DLEU7: variants seen among roughly 807,000 people sequenced by gnomAD.
DLEU7 encodes the protein leukemia-associated protein 7.
In DLEU7, 17 loss-of-function variants were observed where a neutral mutation model predicts 16.0. The observed-to-expected ratio is 1.06, with a 90% confidence interval of 0.73 to 1.59. The LOEUF (loss-of-function observed/expected upper bound fraction) is 1.59. DLEU7 is among the 40% of genes most tolerant of loss of function. The pLI is 0.00. For synonymous variants in DLEU7, 113 were observed against 139.8 expected (o/e 0.81, Z 1.35); for missense variants, 308 against 314.9 (o/e 0.98, Z 0.17).
At chr13:50,811,627 C>A (rs1303940952) in intron 1 of DLEU7, among the ~76,000 whole-genome samples, 1 of 152,128 alleles carries the variant, frequency 6.6e-6, no homozygotes, top group Non-Finnish European at 1.5e-5. Flanking sequence ...TAGCCATTGC[C>A]AGCCTTCCAG....
chr13:50,830,040 T>C (rs1353174391), intron 1 of DLEU7, among the ~76,000 whole-genome samples: 1 of 151,876 alleles, frequency 6.6e-6, no homozygotes, highest in African/African-American at 2.4e-5. Context: ...ATTTAGCAAA[T>C]CCCAGATGCT....
chr13:50,822,302 C>A (rs758628304), downstream of DLEU7, among the ~76,000 whole-genome samples: 1 of 152,320 alleles, frequency 6.6e-6, no homozygotes, highest in Non-Finnish European at 1.5e-5. Context: ...TGTACTCCCA[C>A]CACGCAGACC....
At chr13:50,732,641 G>A (rs1873946998) in intron 1 of DLEU7, among the ~76,000 whole-genome samples, 1 of 140,982 alleles carries the variant, frequency 7.1e-6, no homozygotes, top group African/African-American at 2.7e-5. Context: ...ATGTGCTTAT[G>A]TTCAATGGTA....
At chr13:50,824,330 C>T (rs7326839) in intron 1 of DLEU7, among the ~76,000 whole-genome samples, 85,160 of 151,910 alleles carry the variant, frequency 0.56, 24,055 homozygotes, top group African/African-American at 0.62. Flanking sequence ...AAAGATAATG[C>T]TGAATATAAG....
At chr13:50,762,056 G>T (rs1874949335) in intron 1 of DLEU7, among the ~76,000 whole-genome samples, 1 of 151,842 alleles carries the variant, frequency 6.6e-6, no homozygotes, top group African/African-American at 2.4e-5. Flanking sequence ...GCCAGGCGTG[G>T]TGGTGGGCAC....
chr13:50,842,012 T>C (rs1229837131), intron 1 of DLEU7, among the ~76,000 whole-genome samples: 1 of 151,774 alleles, frequency 6.6e-6, no homozygotes. Flanking sequence ...AGGAATATGC[T>C]GCTGGCATCT....
At chr13:50,796,355 A>G (rs1870841) in intron 1 of DLEU7, among the ~76,000 whole-genome samples, 63,318 of 151,670 alleles carry the variant, frequency 0.42, 13,425 homozygotes, top group African/African-American at 0.5. Flanking sequence ...ACAACAGTCA[A>G]TATGATTACC....
intron 1 of DLEU7, among the ~76,000 whole-genome samples, chr13:50,829,984 G>A (rs976827556): frequency 6.6e-6 from 1 of 152,282 alleles, no homozygotes; most frequent in Non-Finnish European, 1.5e-5. Flanking sequence ...ATTTCACTTA[G>A]GATGCTTTCC....
chr13:50,779,512 CACT>C (rs1311804426), intron 1 of DLEU7, among the ~76,000 whole-genome samples: 1 of 152,174 alleles, frequency 6.6e-6, no homozygotes, highest in Non-Finnish European at 1.5e-5. Context: ...GCAGAGACAT[CACT>C]ACTACTGCTA....
At chr13:50,787,400 T>A (rs1456961351) in intron 1 of DLEU7, among the ~76,000 whole-genome samples, 1 of 152,156 alleles carries the variant, frequency 6.6e-6, no homozygotes, top group East Asian at 1.9e-4. Flanking sequence ...AAAGTAGCAT[T>A]TGGGGTTTCA....
At position 50,752,452 on chromosome 13, in the gene DLEU7, A is replaced by T. The variant is rs190078945; in HGVS notation, c.460-39212T>A. Among the ~76,000 whole-genome samples the T allele has an allele frequency of 9.5e-4, 144 of 151,996 alleles. 1 individual carries two copies. The highest frequency in any genetic ancestry group is 3.3e-3 in the African/African-American group (136 of 41,464). Reference sequence around the variant, plus strand: ...TTTTGATAGGTTGTGTTGTGTCCGGAATTGGTGGGTTCTTGGTCTCACTGA... The same window carrying T: ...TTTTGATAGGTTGTGTTGTGTCCGGTATTGGTGGGTTCTTGGTCTCACTGA... On this transcript the variant is annotated intron_variant, in intron 1 of 1. Transcript: ENST00000400393.
At chr13:50,715,622 A>C (rs1873418866) in intron 1 of DLEU7, 1 of 152,592 alleles carries the variant, frequency 6.6e-6, no homozygotes, top group South Asian at 2.1e-4. Flanking sequence ...CAGGAGACAC[A>C]AGGAACCCCA....
intron 1 of DLEU7, among the ~76,000 whole-genome samples, chr13:50,746,866 G>A (rs961154236): frequency 6.6e-6 from 1 of 152,112 alleles, no homozygotes; most frequent in Non-Finnish European, 1.5e-5. Context: ...CCTTGGGTGA[G>A]TTATCTGGCT....
intron 1 of DLEU7, among the ~76,000 whole-genome samples, chr13:50,779,724 C>T (rs1439111344): frequency 1.3e-5 from 2 of 152,076 alleles, no homozygotes; most frequent in Admixed American, 6.6e-5. Context: ...CCAGGGGAGT[C>T]CTGGGAAATG....
At chr13:50,723,082 A>G (rs1873666830) in intron 1 of DLEU7, 1 of 152,224 alleles carries the variant, frequency 6.6e-6, no homozygotes, top group Non-Finnish European at 1.5e-5. Flanking sequence ...TTTTCAGTGC[A>G]ATAAAGGTTT....
intron 1 of DLEU7, among the ~76,000 whole-genome samples, chr13:50,715,243 A>C (rs888418712): frequency 2.0e-5 from 3 of 152,192 alleles, no homozygotes; most frequent in African/African-American, 7.2e-5. Flanking sequence ...TTAAAGGATC[A>C]TGTAATTATT....
At chr13:50,797,053 G>A (rs867458240) in intron 1 of DLEU7, among the ~76,000 whole-genome samples, 1 of 152,168 alleles carries the variant, frequency 6.6e-6, no homozygotes, top group Middle Eastern at 3.2e-3. Context: ...TGTATCACAG[G>A]TTTTGAAACA....
intron 1 of DLEU7, among the ~76,000 whole-genome samples, chr13:50,761,186 A>G (rs923498423): frequency 6.6e-6 from 1 of 152,140 alleles, no homozygotes; most frequent in African/African-American, 2.4e-5. Flanking sequence ...CTTTTATTCA[A>G]AAATACCAGG....
chr13:50,729,940 C>T (rs1319108243), intron 1 of DLEU7, among the ~76,000 whole-genome samples: 1 of 151,812 alleles, frequency 6.6e-6, no homozygotes, highest in Non-Finnish European at 1.5e-5. Flanking sequence ...TATTTTTGAG[C>T]AGAAGGCTTC....
Sources: gnomAD v4.1 joint callset for allele counts (sites outside exome capture counted in the v4.1 genomes callset) on GRCh38, gnomAD v4.1.1 for gene constraint, MANE v1.5 for transcripts, NCBI Gene and HGNC (gene_info 2026-07-23, HGNC 2026-07-21) for gene names.